The following SNTG2 variants were observed in gnomAD, a reference collection of about 807,000 sequenced individuals.
SNTG2 encodes syntrophin gamma 2.
In SNTG2, 74 loss-of-function variants were observed where a neutral mutation model predicts 70.9. The observed-to-expected ratio is 1.04, with a 90% confidence interval of 0.86 to 1.27. The LOEUF is 1.27. Ranked by LOEUF, SNTG2 falls within the 50% of genes most tolerant of loss-of-function variation. The pLI is 0.00. For missense variants in SNTG2, 717 were observed against 690.7 expected (o/e 1.04, Z -0.43); for synonymous variants, 278 against 273.8 (o/e 1.02, Z -0.15).
chr2:1,249,748 A>G (rs1381972064), intron 12 of SNTG2, among the ~76,000 whole-genome samples: 2 of 152,234 alleles, frequency 1.3e-5, no homozygotes, highest in Non-Finnish European at 2.9e-5. Context: ...ATCCTAATGT[A>G]TCTAAATTTT....
At chr2:1,135,716 C>T (rs146990221) in intron 4 of SNTG2, among the ~76,000 whole-genome samples, 1 of 152,222 alleles carries the variant, frequency 6.6e-6, no homozygotes, top group Non-Finnish European at 1.5e-5. Context: ...GTGCAAGACT[C>T]TGTCTCAAAA....
intron 16 of SNTG2, among the ~76,000 whole-genome samples, chr2:1,318,872 G>A (rs879780664): frequency 3.9e-5 from 6 of 152,150 alleles, no homozygotes; most frequent in Admixed American, 6.5e-5. Context: ...GGCCATGAGG[G>A]TTTCACGCCT....
intron 1 of SNTG2, among the ~76,000 whole-genome samples, chr2:1,030,287 C>T (rs930563819): frequency 3.9e-5 from 6 of 152,232 alleles, no homozygotes; most frequent in South Asian, 4.2e-4. Context: ...AGACGTGCTT[C>T]GTGCTTAGAA....
intron 14 of SNTG2, among the ~76,000 whole-genome samples, chr2:1,294,005 G>T (rs1009116518): frequency 6.6e-6 from 1 of 152,186 alleles, no homozygotes; most frequent in African/African-American, 2.4e-5. Flanking sequence ...GTCAGACGGT[G>T]CCACATGTGT....
intron 14 of SNTG2, among the ~76,000 whole-genome samples, chr2:1,282,182 C>T (rs55652502): frequency 0.09 from 13,708 of 152,186 alleles, 696 homozygotes; most frequent in South Asian, 0.15. Context: ...TTTTTCCAGA[C>T]ACCTGGAGTG....
chr2:1,075,450 T>C (rs560765516), intron 1 of SNTG2, among the ~76,000 whole-genome samples: 220 of 152,260 alleles, frequency 1.4e-3, no homozygotes, highest in Non-Finnish European at 2.6e-3. Flanking sequence ...CAATGGAAAG[T>C]GTTTGTCATT....
chr2:1,336,444 G>C (rs1228369993), intron 16 of SNTG2, among the ~76,000 whole-genome samples: 1 of 151,938 alleles, frequency 6.6e-6, no homozygotes, highest in Admixed American at 6.6e-5. Flanking sequence ...TTTTATTGCT[G>C]TGCGGACACT....
At position 1,310,352 on chromosome 2, in the gene SNTG2, C is replaced by T. The variant is rs574585713; in HGVS notation, c.1377+1766C>T. Among the ~76,000 whole-genome samples the T allele has an allele frequency of 1.1e-4, 17 of 152,298 alleles. No homozygotes were observed. In the East Asian group the frequency reaches 2.7e-3, roughly 24 times the overall value. ...GTACTCACAGGCCCTTCCCAGCCAG[C>T]GCCTCTCACCCATGCTCGGGGCTCA... On this transcript the variant is annotated intron_variant, in intron 15 of 16. Coordinates refer to ENST00000308624, the MANE Select transcript of SNTG2 (RefSeq NM_018968.4).
At chr2:1,037,282 G>A (rs1375803939) in intron 1 of SNTG2, among the ~76,000 whole-genome samples, 4 of 152,184 alleles carry the variant, frequency 2.6e-5, no homozygotes, top group Admixed American at 2.6e-4. Context: ...TAACACCCGA[G>A]GCTATTCCTC....
At chr2:1,243,993 T>TCCAGCC (rs1294741096) in intron 11 of SNTG2, among the ~76,000 whole-genome samples, 9 of 152,158 alleles carry the variant, frequency 5.9e-5, no homozygotes, top group African/African-American at 1.9e-4. Context: ...GCCACTGCAC[T>TCCAGCC]CCAGCCCGGG....
chr2:1,016,396 G>T (rs1016069663), intron 1 of SNTG2, among the ~76,000 whole-genome samples: 1 of 152,074 alleles, frequency 6.6e-6, no homozygotes, highest in Non-Finnish European at 1.5e-5. Flanking sequence ...CGCATGCCAC[G>T]TGCCTGGCTA....
At chr2:1,087,172 A>G (rs1664736293) in intron 2 of SNTG2, among the ~76,000 whole-genome samples, 1 of 152,156 alleles carries the variant, frequency 6.6e-6, no homozygotes, top group South Asian at 2.1e-4. Context: ...AGATAGCAGG[A>G]GGGGTAAATA....
At chr2:1,144,730 A>G (rs563718601) in intron 6 of SNTG2, among the ~76,000 whole-genome samples, 3 of 152,170 alleles carry the variant, frequency 2.0e-5, no homozygotes, top group African/African-American at 7.2e-5. Flanking sequence ...ATTCACTACC[A>G]CAAGAACAGT....
intron 2 of SNTG2, among the ~76,000 whole-genome samples, chr2:1,086,298 C>T (rs1273068332): frequency 2.0e-5 from 3 of 152,218 alleles, no homozygotes; most frequent in East Asian, 3.8e-4. Context: ...GAGGAAGACA[C>T]GGGCTCGCTC....
intron 8 of SNTG2, among the ~76,000 whole-genome samples, chr2:1,186,982 T>C (rs1672290291): frequency 6.6e-6 from 1 of 151,832 alleles, no homozygotes; most frequent in African/African-American, 2.4e-5. Flanking sequence ...GGAAGACAAA[T>C]GTGAGGTGGC....
chr2:1,048,133 A>G (rs1661844399), intron 1 of SNTG2, among the ~76,000 whole-genome samples: 1 of 152,066 alleles, frequency 6.6e-6, no homozygotes, highest in Admixed American at 6.5e-5. Context: ...TCACCTCATC[A>G]TAGTCATTCG....
intron 1 of SNTG2, among the ~76,000 whole-genome samples, chr2:1,033,770 C>A (rs59064274): frequency 3.9e-5 from 6 of 151,920 alleles, no homozygotes; most frequent in Admixed American, 6.6e-5. Flanking sequence ...GTGTTGTAGT[C>A]TACACTCACA....
At chr2:958,402 C>G (rs1374403425) in intron 1 of SNTG2, among the ~76,000 whole-genome samples, 1 of 152,152 alleles carries the variant, frequency 6.6e-6, no homozygotes, top group Non-Finnish European at 1.5e-5. Flanking sequence ...CAGCCCCTCC[C>G]CACACACATA....
chr2:1,224,931 C>G (rs1675670200), intron 9 of SNTG2, among the ~76,000 whole-genome samples: 1 of 152,146 alleles, frequency 6.6e-6, no homozygotes. Flanking sequence ...TGTTTAACAC[C>G]TAAACAAATA....
Sources: gnomAD v4.1 joint callset for allele counts (sites outside exome capture counted in the v4.1 genomes callset) on GRCh38, gnomAD v4.1.1 for gene constraint, MANE v1.5 for transcripts, NCBI Gene and HGNC (gene_info 2026-07-23, HGNC 2026-07-21) for gene names.